The following TMCC1 variants were observed in gnomAD, a reference collection of about 807,000 sequenced individuals.
TMCC1 encodes the protein transmembrane and coiled-coil domains protein 1.
In TMCC1, 15 loss-of-function variants were observed where a neutral mutation model predicts 52.4. That is an observed-to-expected ratio of 0.29 (90% CI 0.19 to 0.44). The LOEUF is 0.44. TMCC1 is among the 20% of genes least tolerant of loss of function. The pLI is 1.00. For missense variants in TMCC1, 503 were observed against 806.0 expected (o/e 0.62, Z 4.55); for synonymous variants, 279 against 301.9 (o/e 0.92, Z 0.79).
chr3:129,778,198 C>T (rs1172862122), intron 4 of TMCC1, among the ~76,000 whole-genome samples: 1 of 152,138 alleles, frequency 6.6e-6, no homozygotes, highest in Non-Finnish European at 1.5e-5. Flanking sequence ...TTCTTCTAAG[C>T]TGAAATGTTC....
chr3:129,655,255 A>G (rs979725418), intron 5 of TMCC1, 152 bp from the exon 6 acceptor site: 63 of 919,474 alleles, frequency 6.9e-5, no homozygotes, highest in Non-Finnish European at 8.6e-5. Flanking sequence ...CAGTGGGTAT[A>G]GCTCTTAGTC....
At chr3:129,757,458 A>G (rs1325308131) in intron 4 of TMCC1, among the ~76,000 whole-genome samples, 1 of 152,136 alleles carries the variant, frequency 6.6e-6, no homozygotes, top group Non-Finnish European at 1.5e-5. Flanking sequence ...TTCCCTGCCA[A>G]CCAGGGCTCT....
In TMCC1 at chr3:129,828,466, A is replaced by G. The variant is rs2058754372; in HGVS notation, c.-88T>C. ...AAATTAGGTAGGCATTTGCTTCAAC[A>G]GTGACTACGCATGCAGCTGTGAGAC... is the stretch of plus-strand genomic sequence containing the variant. On this transcript the variant is annotated 5_prime_UTR_variant, in exon 4 of 7. Transcript: ENST00000393238. The surrounding 1 kb of genome is among the most constrained non-coding windows in gnomAD (Gnocchi z 4.1). The G allele has an allele frequency of 5.5e-6, 7 of 1,282,828 alleles. No homozygotes were observed. The highest frequency in any genetic ancestry group is 7.7e-6 in the Non-Finnish European group (7 of 912,974). The allele number at this position is 1,282,828 out of a possible 1,614,324, so 79.5% of individuals were successfully genotyped here.
chr3:129,827,661 C>T lies in TMCC1; in HGVS notation c.576+142G>A, dbSNP rs78445898. On this transcript the variant is annotated intron_variant, in intron 4 of 6. Coordinates refer to ENST00000393238, the MANE Select transcript of TMCC1 (RefSeq NM_001017395.5). Reference sequence around the variant, plus strand: ...TTCATTAGCTATAATTATTATTTACCCATTTGAAAAGGGGAAAAATTCTTT... The same window carrying T: ...TTCATTAGCTATAATTATTATTTACTCATTTGAAAAGGGGAAAAATTCTTT... 4.5e-5 allele frequency: 40 copies of T among 884,722 alleles called. No homozygotes were observed. The East Asian group carries it at 8.6e-4, about 19-fold the overall frequency. 54.8% of individuals were successfully genotyped at this position (884,722 alleles called of 1,614,324 possible). A position where few individuals can be genotyped will look rare whatever the true frequency, so the allele number is the denominator to read the frequency against.
chr3:129,760,432 GTGTT>G (rs150047046), intron 4 of TMCC1, among the ~76,000 whole-genome samples: 91 of 125,742 alleles, frequency 7.2e-4, no homozygotes, highest in Admixed American at 2.8e-3. Flanking sequence ...GTGTGTGTGT[GTGTT>G]TTTGAGACAG....
chr3:129,832,256 T>A (rs1022866062), intron 3 of TMCC1, among the ~76,000 whole-genome samples: 2 of 152,218 alleles, frequency 1.3e-5, no homozygotes, highest in Admixed American at 1.3e-4. Flanking sequence ...GCTACTCTTT[T>A]ATTCACTCAG....
rs2059146846 is a variant in TMCC1, at chr3:129,836,047, AC to A, written c.-183-3222del. Reference sequence around the variant, plus strand: ...AGTTCAAAGTATGGGAAAAAGTCATACTAACAAACTGAAACACAGCTGCTCT... The same window carrying A: ...AGTTCAAAGTATGGGAAAAAGTCATATAACAAACTGAAACACAGCTGCTCT... On this transcript the variant is annotated intron_variant, in intron 2 of 6. Coordinates refer to ENST00000393238, the MANE Select transcript of TMCC1 (RefSeq NM_001017395.5). Among the ~76,000 whole-genome samples the A allele has an allele frequency of 3.3e-5, 5 of 152,332 alleles. No homozygotes were observed. In the South Asian group the frequency reaches 1.0e-3, roughly 32 times the overall value.
chr3:129,877,596 C>T (rs1000797957), intron 2 of TMCC1, among the ~76,000 whole-genome samples: 6 of 151,816 alleles, frequency 4.0e-5, no homozygotes, highest in African/African-American at 1.2e-4. Flanking sequence ...GATTCATAAA[C>T]CCAACTGTTT....
chr3:129,870,994 T>C (rs2060902400), intron 2 of TMCC1, among the ~76,000 whole-genome samples: 1 of 151,948 alleles, frequency 6.6e-6, no homozygotes, highest in South Asian at 2.1e-4. Flanking sequence ...AGCCAAATCA[T>C]ACAACTTACC....
chr3:129,695,540 G>A (rs1329738683), intron 4 of TMCC1, among the ~76,000 whole-genome samples: 1 of 152,054 alleles, frequency 6.6e-6, no homozygotes, highest in African/African-American at 2.4e-5. Context: ...CTCACATGGT[G>A]GCAACAAGAA....
At chr3:129,755,735 A>G (rs2052941233) in intron 4 of TMCC1, among the ~76,000 whole-genome samples, 1 of 152,222 alleles carries the variant, frequency 6.6e-6, no homozygotes, top group Non-Finnish European at 1.5e-5. Flanking sequence ...GAAACAGACA[A>G]CAAATCCTGG....
intron 5 of TMCC1, among the ~76,000 whole-genome samples, chr3:129,667,617 A>G (rs969304750): frequency 2.0e-5 from 3 of 152,138 alleles, no homozygotes; most frequent in African/African-American, 4.8e-5. Context: ...TCATTTACCT[A>G]CTAGAAAGAA....
At chr3:129,824,979 G>C (rs551098343) in intron 4 of TMCC1, among the ~76,000 whole-genome samples, 1 of 152,014 alleles carries the variant, frequency 6.6e-6, no homozygotes, top group East Asian at 1.9e-4. Context: ...ATATTTATAA[G>C]AGCACTATCA....
chr3:129,695,096 C>CCA (rs767604107), intron 4 of TMCC1, among the ~76,000 whole-genome samples: 7 of 35,242 alleles, frequency 2.0e-4, no homozygotes, highest in African/African-American at 5.6e-4. Flanking sequence ...GACTCTGTCT[C>CCA]AAAAAAAAAA....
intron 2 of TMCC1, among the ~76,000 whole-genome samples, chr3:129,862,154 T>C (rs923598484): frequency 5.9e-5 from 9 of 152,178 alleles, no homozygotes; most frequent in African/African-American, 2.2e-4. Flanking sequence ...GCATCCAGAA[T>C]AGGCAAATCC....
At chr3:129,714,967 GA>G (rs2048960919) in intron 4 of TMCC1, among the ~76,000 whole-genome samples, 1 of 152,120 alleles carries the variant, frequency 6.6e-6, no homozygotes, top group South Asian at 2.1e-4. Context: ...TTACTTATCT[GA>G]AAAATAATAC....
intron 4 of TMCC1, among the ~76,000 whole-genome samples, chr3:129,714,922 A>G (rs542505451): frequency 3.9e-5 from 6 of 152,202 alleles, no homozygotes; most frequent in African/African-American, 1.2e-4. Context: ...CTGTAATCCT[A>G]TTTCCTGGGC....
intron 1 of TMCC1, among the ~76,000 whole-genome samples, chr3:129,885,389 AC>A (rs898038942): frequency 2.6e-5 from 4 of 151,968 alleles, no homozygotes; most frequent in Admixed American, 6.6e-5. Context: ...GGAGTTCAAG[AC>A]CGGCCTGACC....
At chr3:129,760,624 C>G (rs931414735) in intron 4 of TMCC1, among the ~76,000 whole-genome samples, 1 of 151,968 alleles carries the variant, frequency 6.6e-6, no homozygotes, top group Non-Finnish European at 1.5e-5. Flanking sequence ...ACTACAGGCG[C>G]CCGCCACCAT....
Sources: allele counts gnomAD v4.1 joint callset (sites outside exome capture counted in the v4.1 genomes callset), GRCh38; gene constraint gnomAD v4.1.1; non-coding constraint Gnocchi (gnomAD v3.1); transcripts MANE v1.5; gene names NCBI Gene and HGNC (gene_info 2026-07-23, HGNC 2026-07-21).